VSTM2A: variants seen among roughly 807,000 people sequenced by gnomAD.
The protein encoded by VSTM2A is V-set and transmembrane domain containing 2A.
VSTM2A carries 13 observed loss-of-function variants against 27.3 expected under a neutral mutation model. The observed-to-expected ratio is 0.48, with a 90% CI of 0.31 to 0.76. VSTM2A has a LOEUF of 0.76. Ranked by LOEUF, VSTM2A falls within the 30% of genes least tolerant of loss-of-function variation. VSTM2A has a pLI of 0.05. For synonymous variants in VSTM2A, 142 were observed against 125.7 expected (o/e 1.13, Z -0.87); for missense variants, 280 against 310.0 (o/e 0.90, Z 0.73).
rs762435818 is a variant in VSTM2A at position 54,554,111 on chromosome 7, A to C, written c.634+3941A>C. 6 of 1,549,114 alleles carry C rather than the reference A, an allele frequency of 3.9e-6. No homozygotes were observed. In the South Asian group the frequency reaches 6.0e-5, roughly 15 times the overall value. On this transcript the variant is annotated intron_variant, in intron 4 of 4. Transcript: ENST00000402613. ...GGTCGCTCGCACTCCCAAAGCTGTC[A>C]TGCAAGTCACTGGTGTCTCCTGCTT...
chr7:54,569,488 C>G lies in VSTM2A; in HGVS notation c.*269C>G. 2.2e-6 allele frequency: 1 copy of G among 458,410 alleles called. No homozygotes were observed. The highest frequency in any genetic ancestry group is 3.8e-6 in the Non-Finnish European group (1 of 261,036). The allele number at this position is 458,410 out of a possible 1,614,324, so 28.4% of individuals were successfully genotyped here. On this transcript the variant is annotated 3_prime_UTR_variant, in exon 5 of 5. Coordinates refer to ENST00000402613, the MANE Select transcript of VSTM2A (RefSeq NM_001301009.2). ...TACCACTAATTTCCTACTAAAGGAC[C>G]CAGCATCTTCAGGAAGCAAACAGAG...
In VSTM2A at chr7:54,549,956, C is replaced by A. The variant is rs1373393425; in HGVS notation, c.420C>A (p.His140Gln). 7 of 1,613,722 alleles carry A rather than the reference C, an allele frequency of 4.3e-6. No homozygotes were observed. The highest frequency in any genetic ancestry group is 1.3e-5 in the African/African-American group (1 of 75,058). The stretch of plus-strand genomic sequence containing the variant: ...CCAACTACGGGGAGCTTCAGGAACA[C>A]AAGGCCCAGGCCTATCTGAAAGTCA... The part of the protein sequence containing the change: ...TDANYGELQE[H>Q]KAQAYLKVNA... Residue 140 changes from histidine (H) to glutamine (Q), a missense_variant, in exon 4 of 5, where the codon CAC becomes CAA. Coordinates refer to ENST00000402613, the MANE Select transcript of VSTM2A (RefSeq NM_001301009.2).
chr7:54,546,565 TGCCC>T (rs1554330513), intron 2 of VSTM2A: 93 of 139,958 alleles, frequency 6.6e-4, no homozygotes, highest in Admixed American at 1.9e-3. Context: ...CCCCCCCGCC[TGCCC>T]GCCCGCCCAC....
chr7:54,545,172 T>C (rs1787907681), intron 2 of VSTM2A, among the ~76,000 whole-genome samples: 1 of 145,184 alleles, frequency 6.9e-6, no homozygotes, highest in East Asian at 2.3e-4. Context: ...CCCCACCCCC[T>C]CTCCCTTCTC....
At chr7:54,556,602 T>C (rs1342279569) in intron 4 of VSTM2A, among the ~76,000 whole-genome samples, 1 of 152,232 alleles carries the variant, frequency 6.6e-6, no homozygotes, top group African/African-American at 2.4e-5. Flanking sequence ...ATTAATTTAA[T>C]CATTGTAATT....
chr7:54,554,953 AC>A (rs1267830710), intron 4 of VSTM2A, among the ~76,000 whole-genome samples: 2 of 152,238 alleles, frequency 1.3e-5, no homozygotes, highest in African/African-American at 2.4e-5. Flanking sequence ...CCCAGATCAG[AC>A]ATCTAAAACT....
intron 4 of VSTM2A, chr7:54,552,671 A>G (rs1788231308): frequency 6.6e-6 from 1 of 152,248 alleles, no homozygotes; most frequent in Admixed American, 6.5e-5. Flanking sequence ...AAAACAAAAT[A>G]TTTGTACATT....
intron 4 of VSTM2A, among the ~76,000 whole-genome samples, chr7:54,567,597 T>A (rs1201735833): frequency 3.3e-5 from 5 of 152,230 alleles, no homozygotes; most frequent in Admixed American, 2.0e-4. Context: ...ATGCCCATGC[T>A]GAAAAGAAAA....
intron 4 of VSTM2A, among the ~76,000 whole-genome samples, chr7:54,566,188 C>T (rs1406505623): frequency 1.3e-5 from 2 of 152,180 alleles, no homozygotes; most frequent in African/African-American, 4.8e-5. Flanking sequence ...CCAAGAGAAA[C>T]CTCTAGGTCC....
intron 4 of VSTM2A, chr7:54,553,963 T>G (rs1281695975): frequency 6.4e-7 from 1 of 1,552,452 alleles, no homozygotes; most frequent in East Asian, 2.4e-5. Context: ...ACTGACCCCC[T>G]TCCCACCTTC....
chr7:54,551,100 C>T (rs754410704), intron 4 of VSTM2A: 3 of 151,820 alleles, frequency 2.0e-5, no homozygotes, highest in East Asian at 3.9e-4. Context: ...GATTACTTCA[C>T]CAGGATGATT....
chr7:54,556,160 G>T (rs1353432203), intron 4 of VSTM2A, among the ~76,000 whole-genome samples: 1 of 152,128 alleles, frequency 6.6e-6, no homozygotes, highest in Non-Finnish European at 1.5e-5. Flanking sequence ...TGTTGGGATG[G>T]ACTTTTGTGA....
chr7:54,559,179 T>C lies in VSTM2A; in HGVS notation c.634+9009T>C, dbSNP rs541499153. ...ATAACTCCAATACCAAAATAGAAAA[T>C]ATTTTAGGAATAATATTGAATCCTC... On this transcript the variant is annotated intron_variant, in intron 4 of 4. Transcript: ENST00000402613. 31 of 152,068 alleles carry C rather than the reference T, an allele frequency of 2.0e-4. 1 individual carries two copies. In the South Asian group the frequency reaches 6.2e-3, roughly 31 times the overall value. 9.4% of individuals were successfully genotyped at this position (152,068 alleles called of 1,614,324 possible).
At chr7:54,567,495 T>G (rs1788759932) in intron 4 of VSTM2A, among the ~76,000 whole-genome samples, 1 of 152,204 alleles carries the variant, frequency 6.6e-6, no homozygotes, top group South Asian at 2.1e-4. Flanking sequence ...AATGGGCTAA[T>G]GGGGTCAGCC....
chr7:54,545,490 A>G, intron 2 of VSTM2A, among the ~76,000 whole-genome samples: 1 of 108,390 alleles, frequency 9.2e-6, no homozygotes, highest in African/African-American at 3.7e-5. Context: ...AAAGAGGGAG[A>G]GAGGGAGTGA....
At chr7:54,543,429 G>A (rs944621203) in intron 1 of VSTM2A, among the ~76,000 whole-genome samples, 1 of 152,146 alleles carries the variant, frequency 6.6e-6, no homozygotes, top group Non-Finnish European at 1.5e-5. Context: ...ACTTCTGCAA[G>A]CAGAAATGCC....
intron 4 of VSTM2A, 186 bp downstream of exon 4, chr7:54,550,356 G>A (rs1269054156): frequency 2.8e-5 from 40 of 1,440,358 alleles, no homozygotes; most frequent in Non-Finnish European, 2.9e-5. Context: ...AAGCATGTGG[G>A]TGCACCCCGT....
chr7:54,545,775 AAGAGAAGG>A, intron 2 of VSTM2A, among the ~76,000 whole-genome samples: 1 of 93,678 alleles, frequency 1.1e-5, no homozygotes, highest in Non-Finnish European at 2.1e-5. Context: ...GAGAAAGGAG[AAGAGAAGG>A]AGAGAGGGTA....
chr7:54,554,044 G>A (rs987017696), intron 4 of VSTM2A: 3 of 1,552,666 alleles, frequency 1.9e-6, no homozygotes, highest in South Asian at 1.2e-5. Flanking sequence ...TCAACCCCTG[G>A]TGTGCAGAGC....
Sources: allele counts gnomAD v4.1 joint callset (sites outside exome capture counted in the v4.1 genomes callset), GRCh38; gene constraint gnomAD v4.1.1; transcripts MANE v1.5; gene names NCBI Gene and HGNC (gene_info 2026-07-23, HGNC 2026-07-21).